Variants in TMEM232 observed in about 807,000 individuals in gnomAD.
TMEM232 encodes the protein transmembrane protein 232.
Under a neutral mutation model 78.8 loss-of-function variants are expected in TMEM232, and 80 were observed. That is an observed-to-expected ratio of 1.01 (90% CI 0.85 to 1.22). The LOEUF (loss-of-function observed/expected upper bound fraction) is 1.22. Ranked by LOEUF, TMEM232 falls within the 50% of genes most tolerant of loss-of-function variation. The pLI is 0.00. For missense variants in TMEM232, 881 were observed against 742.2 expected, an observed-to-expected ratio of 1.19 and a Z score of -2.17; for synonymous variants, 297 against 254.3, an observed-to-expected ratio of 1.17 and a Z score of -1.60.
intron 10 of TMEM232, among the ~76,000 whole-genome samples, chr5:110,599,192 AC>A (rs1780571781): frequency 6.6e-6 from 1 of 152,074 alleles, no homozygotes; most frequent in Non-Finnish European, 1.5e-5. Context: ...GAAAGGAAAG[AC>A]CAGTACCAGC....
At chr5:110,665,674 T>C (rs1317904945) in intron 2 of TMEM232, among the ~76,000 whole-genome samples, 1 of 152,058 alleles carries the variant, frequency 6.6e-6, no homozygotes, top group Non-Finnish European at 1.5e-5. Context: ...CACATGGGGA[T>C]TATAATTCAA....
At chr5:110,546,397 A>G (rs560976756) in intron 11 of TMEM232, among the ~76,000 whole-genome samples, 7 of 152,240 alleles carry the variant, frequency 4.6e-5, no homozygotes, top group African/African-American at 1.4e-4. Flanking sequence ...TATTTATTTT[A>G]AAGCATAAAA....
At chr5:110,625,990 T>A (rs1340859120) in intron 6 of TMEM232, among the ~76,000 whole-genome samples, 4 of 151,394 alleles carry the variant, frequency 2.6e-5, no homozygotes, top group Non-Finnish European at 5.9e-5. Flanking sequence ...AGACAAACTT[T>A]GGGTTTTAGT....
chr5:110,551,669 G>A (rs1703358103), intron 11 of TMEM232, among the ~76,000 whole-genome samples: 1 of 152,076 alleles, frequency 6.6e-6, no homozygotes, highest in Admixed American at 6.6e-5. Context: ...CAAATGTTGA[G>A]CAATAAAAAT....
At chr5:110,687,617 T>C (rs550938256) in intron 1 of TMEM232, among the ~76,000 whole-genome samples, 14 of 152,298 alleles carry the variant, frequency 9.2e-5, no homozygotes, top group Non-Finnish European at 1.8e-4. Context: ...TTTATATTTA[T>C]ATCTATTGTT....
intron 10 of TMEM232, among the ~76,000 whole-genome samples, chr5:110,595,216 C>A (rs1485145111): frequency 6.6e-6 from 1 of 152,102 alleles, no homozygotes; most frequent in Non-Finnish European, 1.5e-5. Context: ...AAACAAAAAG[C>A]AATAACATCA....
chr5:110,391,333 G>A (rs1371915794), intron 3 of TMEM232, among the ~76,000 whole-genome samples: 2 of 151,070 alleles, frequency 1.3e-5, no homozygotes, highest in Middle Eastern at 3.4e-3. Context: ...GTGTGAGAGA[G>A]AGAGAGAGAG....
At position 110,446,085 on chromosome 5, in the gene TMEM232, T is replaced by C. The variant is rs1196819644; in HGVS notation, c.1704-21169A>G. 2.6e-5 allele frequency among the ~76,000 whole-genome samples: 4 copies of C among 152,122 alleles called. No individual in the cohort carries two copies. In the East Asian group the frequency reaches 7.7e-4, roughly 29 times the overall value. ...TTCCATAGGGGTGAAGCCATTTCCT[T>C]GGCAGAACTCTCTAATGTCAGTATC... On this transcript the variant is annotated intron_variant, in intron 12 of 13. Coordinates refer to ENST00000455884, the MANE Select transcript of TMEM232 (RefSeq NM_001039763.4).
At chr5:110,680,485 T>C (rs1385970874) in intron 1 of TMEM232, among the ~76,000 whole-genome samples, 6 of 150,022 alleles carry the variant, frequency 4.0e-5, no homozygotes, top group African/African-American at 1.2e-4. Flanking sequence ...ACATGAAAAG[T>C]ATAAGGTTTG....
chr5:110,388,797 T>C (rs1427627494), intron 4 of TMEM232, among the ~76,000 whole-genome samples: 1 of 152,126 alleles, frequency 6.6e-6, no homozygotes, highest in Non-Finnish European at 1.5e-5. Context: ...GGTAAAGCAG[T>C]ACATGCAGAA....
At chr5:110,460,870 T>C (rs1761448153) in intron 12 of TMEM232, among the ~76,000 whole-genome samples, 1 of 152,080 alleles carries the variant, frequency 6.6e-6, no homozygotes, top group Non-Finnish European at 1.5e-5. Context: ...ATTGTAATTG[T>C]TTTGGGGTGT....
At chr5:110,418,562 T>C (rs1312959545), downstream of TMEM232, among the ~76,000 whole-genome samples, 1 of 152,136 alleles carries the variant, frequency 6.6e-6, no homozygotes, top group Non-Finnish European at 1.5e-5. Context: ...TATATCTATA[T>C]ATAAATATTT....
At chr5:110,514,693 A>G (rs1768343859) in intron 12 of TMEM232, among the ~76,000 whole-genome samples, 1 of 152,120 alleles carries the variant, frequency 6.6e-6, no homozygotes, top group African/African-American at 2.4e-5. Context: ...ATGAAACAGA[A>G]CAAGACAGAT....
chr5:110,652,601 G>C (rs1211144343), intron 2 of TMEM232, among the ~76,000 whole-genome samples: 1 of 152,080 alleles, frequency 6.6e-6, no homozygotes, highest in Non-Finnish European at 1.5e-5. Flanking sequence ...TAAATCCTGA[G>C]TCCTTTAATT....
At chr5:110,694,179 C>T (rs1454506814) in intron 1 of TMEM232, among the ~76,000 whole-genome samples, 2 of 152,048 alleles carry the variant, frequency 1.3e-5, no homozygotes, top group Non-Finnish European at 2.9e-5. Context: ...AATTTTCAAC[C>T]CAGAATTTCC....
intron 3 of TMEM232, chr5:110,397,643 T>A (rs1392058446): frequency 1.3e-5 from 2 of 152,570 alleles, no homozygotes; most frequent in South Asian, 4.1e-4. Flanking sequence ...CAAAGCCAAT[T>A]TATACATCAA....
rs112190023 is a variant in TMEM232, at chr5:110,387,516, T to A, written n.918-157A>T. ...CTTCACTGTAGGCTTCTGAAAAAAA[T>A]AAACTACGACTTTTTTTTCTTCTTT... On this transcript the variant is annotated intron_variant and non_coding_transcript_variant, in intron 5 of 8. Coordinates refer to the TMEM232 transcript ENST00000507188. Among the ~76,000 whole-genome samples, 518 of 152,292 alleles carry A rather than the reference T, an allele frequency of 3.4e-3. 1 individual carries two copies. Among genetic ancestry groups the A allele is most frequent in the African/African-American group, 0.012 (486 of 41,556 alleles).
At chr5:110,520,814 A>G (rs957246867) in intron 12 of TMEM232, among the ~76,000 whole-genome samples, 6 of 152,258 alleles carry the variant, frequency 3.9e-5, no homozygotes, top group African/African-American at 1.2e-4. Flanking sequence ...GCTGCTCAGG[A>G]GGCTGAGGCA....
At chr5:110,522,330 AG>A (rs1769651615) in intron 12 of TMEM232, among the ~76,000 whole-genome samples, 1 of 152,142 alleles carries the variant, frequency 6.6e-6, no homozygotes, top group Admixed American at 6.5e-5. Context: ...TGGAGTCTCT[AG>A]GGTTACATAT....
Sources: gnomAD v4.1 joint callset for allele counts (sites outside exome capture counted in the v4.1 genomes callset) on GRCh38, gnomAD v4.1.1 for gene constraint, MANE v1.5 for transcripts, NCBI Gene and HGNC (gene_info 2026-07-23, HGNC 2026-07-21) for gene names.